The following GUCY1B1 variants were observed in gnomAD, a reference collection of about 807,000 sequenced individuals.
GUCY1B1 encodes guanylate cyclase 1 soluble subunit beta 1.
A neutral mutation model predicts 71.0 loss-of-function variants in GUCY1B1; 43 were observed. The ratio of observed to expected loss-of-function variants is 0.61; its 90% CI spans 0.47 to 0.78. The LOEUF (loss-of-function observed/expected upper bound fraction) is 0.78, where lower values mean the gene tolerates loss of function less well. GUCY1B1 is among the 30% of genes least tolerant of loss of function. The pLI is 0.00. For missense variants in GUCY1B1, 535 were observed against 754.1 expected (o/e 0.71, Z 3.40); for synonymous variants, 266 against 259.7 (o/e 1.02, Z -0.23).
intron 4 of GUCY1B1, among the ~76,000 whole-genome samples, chr4:155,779,666 A>T (rs1436423152): frequency 1.3e-5 from 2 of 152,186 alleles, no homozygotes; most frequent in Non-Finnish European, 2.9e-5. Flanking sequence ...ATGTTAAAAT[A>T]CTGCTTTTCT....
intron 4 of GUCY1B1, among the ~76,000 whole-genome samples, chr4:155,782,828 T>TGA: frequency 6.6e-6 from 1 of 152,174 alleles, no homozygotes; most frequent in Non-Finnish European, 1.5e-5. Flanking sequence ...ACACATGAAA[T>TGA]GAGAAGCACA....
intron 5 of GUCY1B1, among the ~76,000 whole-genome samples, chr4:155,792,934 T>A (rs1487334879): frequency 6.6e-6 from 1 of 152,210 alleles, no homozygotes; most frequent in Non-Finnish European, 1.5e-5. Context: ...AGATTTGCAA[T>A]TAAATCAAAG....
At chr4:155,792,108 A>G (rs1194648885) in intron 5 of GUCY1B1, among the ~76,000 whole-genome samples, 2 of 152,146 alleles carry the variant, frequency 1.3e-5, no homozygotes, top group African/African-American at 4.8e-5. Context: ...GGTATATTTT[A>G]TGTGTTTAAT....
At chr4:155,762,773 A>G (rs1372749816) in intron 2 of GUCY1B1, among the ~76,000 whole-genome samples, 1 of 152,250 alleles carries the variant, frequency 6.6e-6, no homozygotes, top group African/African-American at 2.4e-5. Context: ...CAATATAACT[A>G]TTAAAAATAT....
intron 4 of GUCY1B1, among the ~76,000 whole-genome samples, chr4:155,782,518 A>G (rs747095356): frequency 3.3e-5 from 5 of 152,126 alleles, no homozygotes; most frequent in Non-Finnish European, 7.4e-5. Flanking sequence ...TTCTACCTTA[A>G]TCCACGCTCA....
intron 4 of GUCY1B1, among the ~76,000 whole-genome samples, chr4:155,784,049 T>C (rs1579222186): frequency 6.6e-6 from 1 of 152,164 alleles, no homozygotes; most frequent in Non-Finnish European, 1.5e-5. Flanking sequence ...GACTGGATCT[T>C]TTTTAACATG....
chr4:155,767,665 A>G (rs1195192882), intron 2 of GUCY1B1, among the ~76,000 whole-genome samples: 2 of 152,228 alleles, frequency 1.3e-5, no homozygotes, highest in Non-Finnish European at 1.5e-5. Context: ...AAGGGGGTTC[A>G]GGCAGGAAGT....
chr4:155,798,897 G>T (rs901232348), intron 8 of GUCY1B1, among the ~76,000 whole-genome samples: 1 of 152,148 alleles, frequency 6.6e-6, no homozygotes, highest in Non-Finnish European at 1.5e-5. Context: ...GAATGCAGTG[G>T]CATGATCTCA....
At chr4:155,789,611 C>G in intron 4 of GUCY1B1, 103 bp from the exon 5 acceptor site, 1 of 668,458 alleles carries the variant, frequency 1.5e-6, no homozygotes, top group East Asian at 2.5e-5. Context: ...CGCTGATCTG[C>G]CCACTAGACT....
chr4:155,773,888 C>T (rs1429760162), intron 2 of GUCY1B1, among the ~76,000 whole-genome samples: 4 of 152,114 alleles, frequency 2.6e-5, no homozygotes, highest in East Asian at 3.9e-4. Flanking sequence ...ACGGTTTCAC[C>T]GTGTTAGCCA....
chr4:155,763,410 C>T (rs1737131716), intron 2 of GUCY1B1, among the ~76,000 whole-genome samples: 1 of 151,960 alleles, frequency 6.6e-6, no homozygotes, highest in Admixed American at 6.6e-5. Flanking sequence ...CTGAAAAATC[C>T]CAAATGATTA....
At chr4:155,800,152 A>T in intron 9 of GUCY1B1, 78 bp downstream of exon 9, 1 of 943,022 alleles carries the variant, frequency 1.1e-6, no homozygotes, top group Non-Finnish European at 1.6e-6. Context: ...TGAGAACCAG[A>T]CTAAAAAGCC....
chr4:155,799,052 A>T (rs1408310414), intron 8 of GUCY1B1, among the ~76,000 whole-genome samples: 5 of 152,060 alleles, frequency 3.3e-5, no homozygotes, highest in Non-Finnish European at 7.4e-5. Flanking sequence ...AGCCAGGCTG[A>T]TCTTGAACTC....
chr4:155,772,690 GA>G, intron 2 of GUCY1B1: 2 of 702,342 alleles, frequency 2.8e-6, no homozygotes, highest in Non-Finnish European at 5.2e-6. Context: ...AAAGTGCTGG[GA>G]TAACAGGCAT....
At chr4:155,759,716 C>A in intron 1 of GUCY1B1, 71 bp from the exon 2 acceptor site, 1 of 1,092,660 alleles carries the variant, frequency 9.2e-7, no homozygotes, top group Non-Finnish European at 1.4e-6. Flanking sequence ...GCAGAGGCAG[C>A]AGCCTCGCCC....
In GUCY1B1 at chr4:155,806,404, G is replaced by T. The variant is rs781672527; in HGVS notation, c.1855G>T (p.Asp619Tyr). The change falls in exon 14 of 14, where the codon GAC becomes TAC. Residue 619 changes from aspartate (D) to tyrosine (Y), a missense_variant. Asp to Tyr is a radical substitution (Grantham distance 160). Transcript: ENST00000264424. ...ATTTAAGGAAACAAAGCAGGATGAT[G>T]ACTGAATCTTGGATTATGGGGTGAA... ...TGTEETKQDD[D>Y] 1.9e-6 allele frequency: 3 copies of T among 1,605,126 alleles called. No homozygotes were observed. Among genetic ancestry groups the T allele is most frequent in the Admixed American group, 1.7e-5 (1 of 59,798 alleles).
chr4:155,766,614 C>CT (rs57713977), intron 2 of GUCY1B1, among the ~76,000 whole-genome samples: 25,181 of 152,038 alleles, frequency 0.17, 2,224 homozygotes, highest in South Asian at 0.23. Context: ...ATAGCAATTC[C>CT]TTTTGGAAGT....
At chr4:155,774,026 A>G (rs1232251035) in intron 2 of GUCY1B1, among the ~76,000 whole-genome samples, 1 of 152,078 alleles carries the variant, frequency 6.6e-6, no homozygotes, top group Non-Finnish European at 1.5e-5. Flanking sequence ...GCAGCCTCCT[A>G]ACTGGTCTCC....
At chr4:155,799,269 A>G (rs904454203) in intron 8 of GUCY1B1, among the ~76,000 whole-genome samples, 1 of 152,228 alleles carries the variant, frequency 6.6e-6, no homozygotes, top group Admixed American at 6.5e-5. Flanking sequence ...AGGATTGAAT[A>G]ATGTTTCAAA....
Sources: gnomAD v4.1 joint callset for allele counts (sites outside exome capture counted in the v4.1 genomes callset) on GRCh38, gnomAD v4.1.1 for gene constraint, MANE v1.5 for transcripts, NCBI Gene and HGNC (gene_info 2026-07-23, HGNC 2026-07-21) for gene names.